The following KIF26A variants were observed in gnomAD, a reference collection of about 807,000 sequenced individuals.
KIF26A encodes kinesin-like protein KIF26A.
A neutral mutation model predicts 126.0 loss-of-function variants in KIF26A; 74 were observed. The ratio of observed to expected loss-of-function variants is 0.59; its 90% CI spans 0.49 to 0.71. The LOEUF is 0.71. KIF26A is among the 30% of genes least tolerant of loss of function. The pLI is 0.00. For missense variants in KIF26A, 2,984 were observed against 2,763.3 expected, an observed-to-expected ratio of 1.08 and a Z score of -1.79; for synonymous variants, 1,445 against 1,232.7, an observed-to-expected ratio of 1.17 and a Z score of -3.61.
chr14:104,142,939 A>AT (rs1015006151), intron 2 of KIF26A, among the ~76,000 whole-genome samples: 1 of 152,168 alleles, frequency 6.6e-6, no homozygotes, highest in Non-Finnish European at 1.5e-5. Flanking sequence ...GACAGTTCCC[A>AT]TGGAGGATGA....
At chr14:104,160,107 G>A (rs754941670) in intron 4 of KIF26A, among the ~76,000 whole-genome samples, 2 of 152,192 alleles carry the variant, frequency 1.3e-5, no homozygotes, top group Admixed American at 6.5e-5. Context: ...TGGAGGGACC[G>A]AGGGGCACCT....
chr14:104,145,084 T>C (rs1339222947), intron 2 of KIF26A, among the ~76,000 whole-genome samples: 1 of 152,212 alleles, frequency 6.6e-6, no homozygotes, highest in Admixed American at 6.5e-5. Flanking sequence ...CTGTGCTTGG[T>C]GAGACTTTCT....
Position 104,178,774 on chromosome 14 carries a change from T to C in KIF26A, c.5316+19T>C. The C allele has an allele frequency of 7.2e-7, 1 of 1,398,200 alleles. No homozygotes were observed. Among genetic ancestry groups the C allele is most frequent in the African/African-American group, 1.4e-5 (1 of 69,358 alleles). The allele number at this position is 1,398,200 out of a possible 1,614,324, so 86.6% of individuals were successfully genotyped here. On this transcript the variant is annotated intron_variant, in intron 13 of 14. Coordinates refer to ENST00000423312, the MANE Select transcript of KIF26A (RefSeq NM_015656.2). ...CACCCAGGTAGGGCCTTTGGTGGGC[T>C]GGGGTCTATGACCCCTGGTGGGGAG...
chr14:104,171,285 G>A (rs1402833794), intron 5 of KIF26A, among the ~76,000 whole-genome samples: 2 of 152,204 alleles, frequency 1.3e-5, no homozygotes, highest in Admixed American at 1.3e-4. Context: ...ACACCTCTGT[G>A]GGGCAGTTCA....
chr14:104,177,117 C>G lies in KIF26A; in HGVS notation c.4329C>G (p.Gly1443=). Residue 1443 remains glycine (G), a synonymous_variant, in exon 12 of 15, where the codon GGC becomes GGG. Coordinates refer to ENST00000423312, the MANE Select transcript of KIF26A (RefSeq NM_015656.2). Reference sequence around the variant, plus strand: ...ACGCGTCTCTGGAGCGGTACGAAGGCCTGGCGCACAGCAGCAGCAAGGGCC... The same window carrying G: ...ACGCGTCTCTGGAGCGGTACGAAGGGCTGGCGCACAGCAGCAGCAAGGGCC... ...AGHASLERYE[G]LAHSSSKGRE... 1 of 1,597,686 alleles carries G rather than the reference C, an allele frequency of 6.3e-7. No homozygotes were observed. The highest frequency in any genetic ancestry group is 1.1e-5 in the South Asian group (1 of 90,994).
At position 104,152,799 on chromosome 14, in the gene KIF26A, C is replaced by T. The variant is rs563000039; in HGVS notation, c.735+338C>T. 1.7e-4 allele frequency among the ~76,000 whole-genome samples: 25 copies of T among 149,576 alleles called. No individual in the cohort carries two copies. The highest frequency in any genetic ancestry group is 2.5e-4 in the Non-Finnish European group (17 of 66,974). On this transcript the variant is annotated intron_variant, in intron 3 of 14. Transcript: ENST00000423312. The surrounding 1 kb of genome is among the most constrained non-coding windows in gnomAD (Gnocchi z 5.9). Reference sequence around the variant, plus strand: ...GGCACCGTGTGTAGATCGGGGCTCACGAGGCAGATGGAGTAGGAGGGCCCT... The same window carrying T: ...GGCACCGTGTGTAGATCGGGGCTCATGAGGCAGATGGAGTAGGAGGGCCCT...
intron 2 of KIF26A, among the ~76,000 whole-genome samples, chr14:104,143,946 G>A (rs1335157499): frequency 1.3e-5 from 2 of 152,248 alleles, no homozygotes; most frequent in African/African-American, 2.4e-5. Flanking sequence ...ACCAGGAAGG[G>A]CTCTGCTCGG....
chr14:104,164,644 G>A (rs1008114982), intron 4 of KIF26A, among the ~76,000 whole-genome samples: 3 of 152,162 alleles, frequency 2.0e-5, no homozygotes, highest in East Asian at 1.9e-4. Flanking sequence ...TCAGAGGCGC[G>A]GCGGGCCTGT....
At chr14:104,172,873 G>T (rs1034663628) in intron 7 of KIF26A, 104 bp from the exon 8 acceptor site, 2 of 1,394,560 alleles carry the variant, frequency 1.4e-6, no homozygotes. Flanking sequence ...ATCCAAAGAG[G>T]CCCCTGAGAT....
intron 4 of KIF26A, among the ~76,000 whole-genome samples, chr14:104,165,851 G>T (rs2037893134): frequency 6.6e-6 from 1 of 152,106 alleles, no homozygotes; most frequent in African/African-American, 2.4e-5. Context: ...GTGTGTGTCT[G>T]TGTGTGTCTC....
At chr14:104,140,854 G>C (rs1439778523) in intron 2 of KIF26A, among the ~76,000 whole-genome samples, 1 of 152,196 alleles carries the variant, frequency 6.6e-6, no homozygotes, top group Non-Finnish European at 1.5e-5. Context: ...TCAGCACACC[G>C]GGGTCCCGGG....
intron 12 of KIF26A, among the ~76,000 whole-genome samples, chr14:104,178,182 C>A (rs2038057202): frequency 6.6e-6 from 1 of 152,172 alleles, no homozygotes; most frequent in Non-Finnish European, 1.5e-5. Context: ...AGCACAAGGG[C>A]AGCCCTGCAC....
intron 4 of KIF26A, among the ~76,000 whole-genome samples, chr14:104,158,579 T>C (rs932775095): frequency 6.6e-6 from 1 of 152,210 alleles, no homozygotes; most frequent in Non-Finnish European, 1.5e-5. Flanking sequence ...ACTTGGTTGC[T>C]TTCCCAGGCC....
In KIF26A at chr14:104,157,775, C is replaced by A; in HGVS notation, c.756C>A (p.Ala252=). 6.2e-7 allele frequency: 1 copy of A among 1,610,748 alleles called. No homozygotes were observed. The highest frequency in any genetic ancestry group is 8.5e-7 in the Non-Finnish European group (1 of 1,179,084). ...TCCAGGCCGAGGCAGCGGTGGCGGC[C>A]GTGGCGGTGGCAGACACGGTCCGAG... ...PACLAEAAVA[A]VAVADTVREC... is the part of the protein sequence containing the mutation. Residue 252 remains alanine (A), a synonymous_variant, in exon 4 of 15, where the codon GCC becomes GCA. Transcript: ENST00000423312.
chr14:104,173,750 T>C lies in KIF26A; in HGVS notation c.1912T>C (p.Cys638Arg). 6.2e-7 allele frequency: 1 copy of C among 1,610,832 alleles called. No homozygotes were observed. Among genetic ancestry groups the C allele is most frequent in the Non-Finnish European group, 8.5e-7 (1 of 1,179,496 alleles). The change falls in exon 10 of 15, where the codon TGT becomes CGT. Residue 638 changes from cysteine to arginine, a missense_variant. Physicochemically the swap from Cys to Arg is radical, Grantham distance 180. Coordinates refer to ENST00000423312, the MANE Select transcript of KIF26A (RefSeq NM_015656.2). ...SRLHLIDLGSCEAAAGRAGEA... is the reference protein window; with the variant it reads ...SRLHLIDLGSREAAAGRAGEA... ...CCTGCACCTCATCGACCTGGGCAGC[T>C]GTGAGGCGGCGGCTGGCAGGGCCGG...
At chr14:104,154,008 CG>C (rs1373813792) in intron 3 of KIF26A, among the ~76,000 whole-genome samples, 7 of 152,158 alleles carry the variant, frequency 4.6e-5, no homozygotes, top group African/African-American at 1.7e-4. Context: ...GACAGCAGTC[CG>C]GGCGATCGAT....
intron 2 of KIF26A, among the ~76,000 whole-genome samples, chr14:104,140,502 G>A (rs1354262806): frequency 2.0e-5 from 3 of 152,210 alleles, no homozygotes; most frequent in African/African-American, 7.2e-5. Context: ...GAGACAGGAG[G>A]GGCATTAAGA....
chr14:104,155,633 C>T (rs536680604), intron 3 of KIF26A, among the ~76,000 whole-genome samples: 43 of 152,318 alleles, frequency 2.8e-4, no homozygotes, highest in African/African-American at 9.6e-4. Context: ...TTGGCATGCC[C>T]GGGCTCTGCT....
At chr14:104,165,873 C>T (rs894657711) in intron 4 of KIF26A, among the ~76,000 whole-genome samples, 10 of 144,890 alleles carry the variant, frequency 6.9e-5, no homozygotes, top group South Asian at 2.2e-4. Context: ...GTAGGGTGTG[C>T]GTGTCGAGGT....
Sources: gnomAD v4.1 joint callset for allele counts (sites outside exome capture counted in the v4.1 genomes callset) on GRCh38, gnomAD v4.1.1 for gene constraint, Gnocchi (gnomAD v3.1) non-coding constraint, MANE v1.5 for transcripts, NCBI Gene and HGNC (gene_info 2026-07-23, HGNC 2026-07-21) for gene names.